Variants in SAMSN1 observed in about 807,000 individuals in gnomAD.
The protein encoded by SAMSN1 is SAM domain-containing protein SAMSN-1.
A neutral mutation model predicts 42.0 loss-of-function variants in SAMSN1; 31 were observed. The observed-to-expected ratio is 0.74, with a 90% CI of 0.55 to 1.00. The LOEUF (loss-of-function observed/expected upper bound fraction) is 1.00. SAMSN1 is among the 50% of genes least tolerant of loss of function. The pLI is 0.00. For missense variants in SAMSN1, 464 were observed against 439.4 expected, an observed-to-expected ratio of 1.06 and a Z score of -0.50; for synonymous variants, 178 against 151.9, an observed-to-expected ratio of 1.17 and a Z score of -1.26.
chr21:14,560,937 A>G lies in SAMSN1; in HGVS notation c.261+21199T>C, dbSNP rs537774917. Among the ~76,000 whole-genome samples, 168 of 152,292 alleles carry G rather than the reference A, an allele frequency of 1.1e-3. 1 individual carries two copies. The highest frequency in any genetic ancestry group is 3.7e-3 in the African/African-American group (155 of 41,570). On this transcript the variant is annotated intron_variant, in intron 2 of 8. Transcript: ENST00000285670. ...CAGTATTGGAGGCTAAAAGTCCAAA[A>G]CTAAACCGTCTTTGCAAAACTAATG...
At chr21:14,487,393 A>G (rs1043332079) in intron 7 of SAMSN1, among the ~76,000 whole-genome samples, 3 of 151,828 alleles carry the variant, frequency 2.0e-5, no homozygotes, top group Non-Finnish European at 4.4e-5. Context: ...TCTAGTTTCC[A>G]TATGTTTTGC....
At chr21:14,505,076 T>G (rs1420405738) in intron 5 of SAMSN1, among the ~76,000 whole-genome samples, 1 of 151,928 alleles carries the variant, frequency 6.6e-6, no homozygotes, top group East Asian at 1.9e-4. Flanking sequence ...ACCAAGCCAC[T>G]AAAAGGAGCT....
In SAMSN1 at chr21:14,489,211, ATCATC is replaced by A. The variant is rs529124727; in HGVS notation, c.920-3102_920-3098del. On this transcript the variant is annotated intron_variant, in intron 7 of 7. Transcript: ENST00000400566. ...TTCATCAGTTTTGTCCCATGGTTCA[ATCATC>A]TGGGCTAACCAGGCAAGTAACACAT... Among the ~76,000 whole-genome samples the A allele has an allele frequency of 3.2e-3, 491 of 152,290 alleles. 1 individual carries two copies. The highest frequency in any genetic ancestry group is 5.5e-3 in the Non-Finnish European group (372 of 68,010).
At chr21:14,487,146 G>C (rs969654678) in intron 7 of SAMSN1, among the ~76,000 whole-genome samples, 1 of 152,108 alleles carries the variant, frequency 6.6e-6, no homozygotes, top group Non-Finnish European at 1.5e-5. Context: ...GCTCCACGTT[G>C]AAAGAGCCAA....
chr21:14,611,239 ACT>A (rs1230564561), intron 4 of SAMSN1, among the ~76,000 whole-genome samples: 1 of 152,092 alleles, frequency 6.6e-6, no homozygotes. Context: ...GTTTCAAGAA[ACT>A]CTAAGATCCT....
intron 6 of SAMSN1, among the ~76,000 whole-genome samples, chr21:14,596,139 A>G (rs1184818143): frequency 2.6e-5 from 4 of 152,186 alleles, no homozygotes; most frequent in East Asian, 1.9e-4. Flanking sequence ...TTAATGCAGT[A>G]TAACTTCGGA....
chr21:14,609,533 G>A, exon 5 of SAMSN1: 1 of 718,022 alleles, frequency 1.4e-6, no homozygotes, highest in East Asian at 2.7e-5. Flanking sequence ...TGCTTGCTGT[G>A]TTCCTGCCAG....
intron 7 of SAMSN1, among the ~76,000 whole-genome samples, chr21:14,592,888 G>A (rs532168503): frequency 2.6e-5 from 4 of 152,244 alleles, no homozygotes; most frequent in African/African-American, 9.6e-5. Flanking sequence ...ATTTTCATCT[G>A]AAAGTCCTGT....
chr21:14,586,262 C>CAAAAAAAAAAAAAAA (rs67482796), upstream of SAMSN1, among the ~76,000 whole-genome samples: 1 of 50,614 alleles, frequency 2.0e-5, no homozygotes, highest in Non-Finnish European at 3.6e-5. Context: ...GACTCCATCT[C>CAAAAAAAAAAAAAAA]AAAAAAAAAA....
chr21:14,537,761 A>G (rs934241439), intron 1 of SAMSN1, among the ~76,000 whole-genome samples: 1 of 152,178 alleles, frequency 6.6e-6, no homozygotes, highest in Non-Finnish European at 1.5e-5. Flanking sequence ...TCCAAAAACC[A>G]TCAACCTAGA....
upstream of SAMSN1, among the ~76,000 whole-genome samples, chr21:14,547,982 C>T (rs1447917242): frequency 6.6e-6 from 1 of 152,020 alleles, no homozygotes; most frequent in African/African-American, 2.4e-5. Flanking sequence ...CACTGGAAAA[C>T]CTGAGAATGT....
chr21:14,508,073 C>G (rs1244941214), intron 5 of SAMSN1, among the ~76,000 whole-genome samples: 1 of 152,176 alleles, frequency 6.6e-6, no homozygotes, highest in Non-Finnish European at 1.5e-5. Context: ...GGACTAACGA[C>G]TTAAATCTAA....
chr21:14,615,001 C>T (rs113157028), intron 3 of SAMSN1, among the ~76,000 whole-genome samples: 1,559 of 152,200 alleles, frequency 0.01, 26 homozygotes, highest in South Asian at 0.072. Flanking sequence ...CTATATTCTG[C>T]GGAAGCATCA....
rs1249687205 is a variant in SAMSN1 at position 14,512,541 on chromosome 21, A to G, written c.312T>C (p.Tyr104=). The G allele has an allele frequency of 6.2e-7, 1 of 1,613,846 alleles. No individual in the cohort carries two copies. Among genetic ancestry groups the G allele is most frequent in the African/African-American group, 1.3e-5 (1 of 74,926 alleles). Reference sequence around the variant, plus strand: ...TCCCAATCACAGGGTCACTGTTTCTATATGGGTGGGCATTCTCTCCATCTT... The same window carrying G: ...TCCCAATCACAGGGTCACTGTTTCTGTATGGGTGGGCATTCTCTCCATCTT... ...DEEDGENAHP[Y]RNSDPVIGTH... is the part of the protein sequence containing the mutation. Residue 104 remains tyrosine (Y), a synonymous_variant, in exon 4 of 8, where the codon TAT becomes TAC. Transcript: ENST00000400566.
intron 1 of SAMSN1, among the ~76,000 whole-genome samples, chr21:14,530,680 T>G (rs922774993): frequency 6.6e-6 from 1 of 152,230 alleles, no homozygotes; most frequent in Non-Finnish European, 1.5e-5. Flanking sequence ...TGAAGAGCTG[T>G]GTTGAGAAGC....
intron 2 of SAMSN1, among the ~76,000 whole-genome samples, chr21:14,635,697 A>G (rs1983450247): frequency 6.6e-6 from 1 of 152,228 alleles, no homozygotes; most frequent in Non-Finnish European, 1.5e-5. Context: ...CTAAATTAAA[A>G]GATTACTCTG....
At chr21:14,506,475 C>A (rs986959418) in intron 5 of SAMSN1, among the ~76,000 whole-genome samples, 6 of 152,114 alleles carry the variant, frequency 3.9e-5, no homozygotes, top group Non-Finnish European at 8.8e-5. Flanking sequence ...AAAGATACAA[C>A]TCTCCTAGCT....
At chr21:14,576,346 G>T (rs1981463175) in intron 2 of SAMSN1, among the ~76,000 whole-genome samples, 1 of 152,134 alleles carries the variant, frequency 6.6e-6, no homozygotes. Flanking sequence ...GAGGGAGACT[G>T]CCAAGGGAGA....
Position 14,572,503 on chromosome 21 carries a change from G to A in SAMSN1, c.261+9633C>T, listed in dbSNP as rs1161785966. On this transcript the variant is annotated intron_variant, in intron 2 of 8. Transcript: ENST00000285670. The stretch of plus-strand genomic sequence containing the variant: ...ACAACTTAGTGATGGGAAAAGTCAG[G>A]ACTAAGAGTTAGGAGGATTATGTTC... Among the ~76,000 whole-genome samples the A allele has an allele frequency of 4.6e-5, 7 of 152,126 alleles. No homozygotes were observed. In the East Asian group the frequency reaches 1.3e-3, roughly 29 times the overall value.
Sources: allele counts gnomAD v4.1 joint callset (sites outside exome capture counted in the v4.1 genomes callset), GRCh38; gene constraint gnomAD v4.1.1; transcripts MANE v1.5; gene names NCBI Gene and HGNC (gene_info 2026-07-23, HGNC 2026-07-21).